The following CELF4 variants were observed in gnomAD, a reference collection of about 807,000 sequenced individuals.
CELF4 encodes the protein CUGBP Elav-like family member 4, also known as CUG-BP- and ETR-3-like factor 4.
CELF4 carries 18 observed loss-of-function variants against 59.9 expected under a neutral mutation model. That is an observed-to-expected ratio of 0.30 (90% CI 0.21 to 0.45). The LOEUF is 0.45. CELF4 is among the 20% of genes least tolerant of loss of function. CELF4 has a pLI of 1.00. For synonymous variants in CELF4, 261 were observed against 267.1 expected (o/e 0.98, Z 0.22); for missense variants, 456 against 689.0 (o/e 0.66, Z 3.79).
At chr18:37,554,110 G>T (rs2099984065) in intron 1 of CELF4, among the ~76,000 whole-genome samples, 1 of 152,176 alleles carries the variant, frequency 6.6e-6, no homozygotes, top group South Asian at 2.1e-4. Context: ...CTGAATGCTG[G>T]TGCCAGAACC....
intron 1 of CELF4, 69 bp from the exon 2 acceptor site, chr18:37,485,676 C>G: frequency 9.4e-7 from 1 of 1,068,430 alleles, no homozygotes; most frequent in African/African-American, 1.7e-5. Context: ...CGCCCTGCCG[C>G]CCGCCCTCCA....
chr18:37,393,951 A>G (rs1242028046), intron 2 of CELF4, among the ~76,000 whole-genome samples: 1 of 149,248 alleles, frequency 6.7e-6, no homozygotes, highest in Non-Finnish European at 1.5e-5. Flanking sequence ...ACCTCCTCCG[A>G]GCGGAGCGCC....
At chr18:37,334,982 A>G (rs947467040) in intron 2 of CELF4, among the ~76,000 whole-genome samples, 1 of 151,246 alleles carries the variant, frequency 6.6e-6, no homozygotes, top group African/African-American at 2.4e-5. Context: ...TTTAGATTTA[A>G]TCACTCCCTC....
chr18:37,281,493 G>T (rs2094135777), intron 3 of CELF4, among the ~76,000 whole-genome samples: 2 of 152,194 alleles, frequency 1.3e-5, no homozygotes, highest in East Asian at 1.9e-4. Flanking sequence ...AAGGTTGGGG[G>T]CTACTGAGCT....
At chr18:37,495,108 C>T (rs1045545653) in intron 1 of CELF4, among the ~76,000 whole-genome samples, 1 of 152,168 alleles carries the variant, frequency 6.6e-6, no homozygotes, top group African/African-American at 2.4e-5. Context: ...TTTGCTAGAA[C>T]CTAGAAACTG....
At chr18:37,424,338 A>G (rs2154594439) in intron 2 of CELF4, among the ~76,000 whole-genome samples, 1 of 152,224 alleles carries the variant, frequency 6.6e-6, no homozygotes, top group African/African-American at 2.4e-5. Flanking sequence ...GGCAGAGGGC[A>G]GTCTAGAAGG....
intron 3 of CELF4, among the ~76,000 whole-genome samples, chr18:37,306,708 G>A (rs1439775758): frequency 6.6e-6 from 1 of 152,130 alleles, no homozygotes; most frequent in South Asian, 2.1e-4. Flanking sequence ...ATGGCATGCC[G>A]TGGTGAGCGG....
At chr18:37,343,258 T>A (rs1050611588) in intron 2 of CELF4, among the ~76,000 whole-genome samples, 1 of 152,122 alleles carries the variant, frequency 6.6e-6, no homozygotes, top group African/African-American at 2.4e-5. Context: ...TCCCTGTGTT[T>A]GCAGCAGTTT....
chr18:37,451,041 GC>G (rs1002920398), intron 2 of CELF4, among the ~76,000 whole-genome samples: 3 of 152,198 alleles, frequency 2.0e-5, no homozygotes, highest in African/African-American at 7.2e-5. Flanking sequence ...ATCTGAAGGA[GC>G]CCCAGGGACA....
chr18:37,312,242 G>C (rs2096699859), intron 3 of CELF4, among the ~76,000 whole-genome samples: 1 of 148,142 alleles, frequency 6.8e-6, no homozygotes, highest in Admixed American at 6.9e-5. Flanking sequence ...AGCAAAAATG[G>C]CAGGGAATGT....
intron 2 of CELF4, among the ~76,000 whole-genome samples, chr18:37,384,148 G>A (rs1207349135): frequency 6.6e-6 from 1 of 152,162 alleles, no homozygotes; most frequent in African/African-American, 2.4e-5. Flanking sequence ...AGAGGAAGTC[G>A]TACAGGTTGG....
At chr18:37,511,360 C>T (rs537965340) in intron 1 of CELF4, among the ~76,000 whole-genome samples, 121 of 152,202 alleles carry the variant, frequency 7.9e-4, no homozygotes, top group Middle Eastern at 3.4e-3. Context: ...GGTCTCCCCG[C>T]GTCCGGGTCC....
chr18:37,317,713 G>A (rs564639459), intron 3 of CELF4, among the ~76,000 whole-genome samples: 1 of 152,270 alleles, frequency 6.6e-6, no homozygotes, highest in African/African-American at 2.4e-5. Flanking sequence ...AAAGAAAAAA[G>A]AGCTCCCTGA....
chr18:37,508,326 C>T (rs1322122023), intron 1 of CELF4, among the ~76,000 whole-genome samples: 1 of 152,108 alleles, frequency 6.6e-6, no homozygotes, highest in Non-Finnish European at 1.5e-5. Flanking sequence ...ATGGGATGAG[C>T]CAGGGGAGAG....
chr18:37,317,202 C>T (rs1179691331), intron 3 of CELF4, among the ~76,000 whole-genome samples: 1 of 152,180 alleles, frequency 6.6e-6, no homozygotes. Flanking sequence ...GCCTGGCCAA[C>T]ATGGTAAAAC....
chr18:37,347,280 G>A (rs1019859246), intron 2 of CELF4, among the ~76,000 whole-genome samples: 9 of 152,220 alleles, frequency 5.9e-5, no homozygotes, highest in Middle Eastern at 3.4e-3. Context: ...CCCACGCCAC[G>A]CCCAAGTTGG....
chr18:37,281,629 G>A (rs1233911571), intron 3 of CELF4, among the ~76,000 whole-genome samples: 1 of 152,196 alleles, frequency 6.6e-6, no homozygotes, highest in Non-Finnish European at 1.5e-5. Context: ...TGGGGGTGCA[G>A]AGAAAATGCC....
rs920587828 is a variant in CELF4, at chr18:37,327,480, G to A, written c.370-5599C>T. On this transcript the variant is annotated intron_variant, in intron 2 of 12. Coordinates refer to ENST00000420428, the MANE Select transcript of CELF4 (RefSeq NM_020180.4). ...CCCTGCCAGAGCAGGGCCAGCCTGTGTGTGGGGTGTGGAGCCCAACTGCAT... is the reference window on the plus strand; with the variant it reads ...CCCTGCCAGAGCAGGGCCAGCCTGTATGTGGGGTGTGGAGCCCAACTGCAT... 2.2e-4 allele frequency among the ~76,000 whole-genome samples: 33 copies of A among 152,222 alleles called. 1 individual carries two copies. The highest frequency in any genetic ancestry group is 7.7e-4 in the African/African-American group (32 of 41,466).
At chr18:37,323,920 T>C (rs1488479981) in intron 2 of CELF4, among the ~76,000 whole-genome samples, 2 of 152,106 alleles carry the variant, frequency 1.3e-5, no homozygotes, top group Non-Finnish European at 1.5e-5. Flanking sequence ...TTATCTCAGT[T>C]GACCTCAGCT....
Sources: allele counts gnomAD v4.1 joint callset (sites outside exome capture counted in the v4.1 genomes callset), GRCh38; gene constraint gnomAD v4.1.1; transcripts MANE v1.5; gene names NCBI Gene and HGNC (gene_info 2026-07-23, HGNC 2026-07-21).